The following ROBO2 variants were observed in gnomAD, a reference collection of about 807,000 sequenced individuals.
ROBO2 encodes the protein roundabout guidance receptor 2.
In ROBO2, 53 loss-of-function variants were observed where a neutral mutation model predicts 160.8. The ratio of observed to expected loss-of-function variants is 0.33; its 90% CI spans 0.26 to 0.41. ROBO2 has a LOEUF of 0.41. ROBO2 is among the 10% of genes least tolerant of loss of function. The probability of loss-of-function intolerance (pLI) is 1.00; values close to 1 mark genes in which losing one functional copy is unlikely to be tolerated. For synonymous variants in ROBO2, 664 were observed against 611.7 expected (o/e 1.09, Z -1.26); for missense variants, 1,577 against 1,722.4 (o/e 0.92, Z 1.49).
At chr3:77,521,843 A>G (rs1353745869) in intron 5 of ROBO2, among the ~76,000 whole-genome samples, 3 of 151,292 alleles carry the variant, frequency 2.0e-5, no homozygotes, top group African/African-American at 7.3e-5. Flanking sequence ...TGAAAACAAT[A>G]GGAAGTCACA....
rs117240133 is a variant in ROBO2, at chr3:77,291,895, A to G, written c.389-185519A>G. On this transcript the variant is annotated intron_variant, in intron 2 of 25. Transcript: ENST00000461745. Reference sequence around the variant, plus strand: ...AAGTAAAATTGATGGATAAACGGGTAAGCTGAGGCTAGATCACCCCAGACG... The same window carrying G: ...AAGTAAAATTGATGGATAAACGGGTGAGCTGAGGCTAGATCACCCCAGACG... 9.1e-3 allele frequency among the ~76,000 whole-genome samples: 1,379 copies of G among 151,952 alleles called. 26 individuals carry two copies. Among genetic ancestry groups the G allele is most frequent in the Admixed American group, 0.05 (758 of 15,192 alleles).
chr3:77,224,584 A>G (rs369759791), intron 2 of ROBO2, among the ~76,000 whole-genome samples: 2 of 152,002 alleles, frequency 1.3e-5, no homozygotes, highest in African/African-American at 4.8e-5. Context: ...TTTGAGTTAA[A>G]TCCATATTAA....
Position 77,608,491 on chromosome 3 carries a change from G to A in ROBO2, c.3293+537G>A, listed in dbSNP as rs1416403556. 4.6e-5 allele frequency among the ~76,000 whole-genome samples: 7 copies of A among 152,236 alleles called. No homozygotes were observed. In the South Asian group the frequency reaches 1.5e-3, roughly 32 times the overall value. On this transcript the variant is annotated intron_variant, in intron 21 of 25. Transcript: ENST00000461745. ...ATAGAGCCAATGCATACTCTGTAAT[G>A]AAACCTTTTTAAGATACAAAATTTT...
Position 76,913,900 on chromosome 3 carries a change from A to G in ROBO2, c.110-184114A>G, listed in dbSNP as rs539276241. On this transcript the variant is annotated intron_variant, in intron 2 of 26. Transcript: ENST00000487694. ...TGAATAATACTCCTTTAGAGGAGTA[A>G]CTGTGAAAAATACTCCTTTAGAGGA... 3.3e-5 allele frequency among the ~76,000 whole-genome samples: 5 copies of G among 152,214 alleles called. No homozygotes were observed. In the South Asian group the frequency reaches 8.3e-4, roughly 25 times the overall value.
chr3:76,230,646 C>T (rs1003275718), intron 2 of ROBO2, among the ~76,000 whole-genome samples: 1 of 152,048 alleles, frequency 6.6e-6, no homozygotes, highest in African/African-American at 2.4e-5. Flanking sequence ...TTACTTACTA[C>T]TATTTGTTAT....
chr3:76,414,780 GA>G lies in ROBO2; in HGVS notation c.109+477183del, dbSNP rs539287343. On this transcript the variant is annotated intron_variant, in intron 2 of 26. Coordinates refer to the ROBO2 transcript ENST00000487694. ...TTAAAGTATAATTTAAAAAAAAAAA[GA>G]AAAAGACAAAAAAAAAATCTAGAAG... Among the ~76,000 whole-genome samples, 74 of 147,716 alleles carry G rather than the reference GA, an allele frequency of 5.0e-4. 2 individuals carry two copies. In the South Asian group the frequency reaches 0.011, roughly 21 times the overall value.
At chr3:76,993,363 A>G (rs530428742) in intron 2 of ROBO2, among the ~76,000 whole-genome samples, 3 of 152,354 alleles carry the variant, frequency 2.0e-5, no homozygotes, top group South Asian at 2.1e-4. Flanking sequence ...ATTCAAATGT[A>G]TCTTAGAGGA....
intron 2 of ROBO2, among the ~76,000 whole-genome samples, chr3:76,525,031 G>C (rs1275381835): frequency 2.6e-5 from 4 of 151,566 alleles, no homozygotes; most frequent in African/African-American, 9.7e-5. Flanking sequence ...ATACACAACA[G>C]ATACTGAGGT....
intron 2 of ROBO2, among the ~76,000 whole-genome samples, chr3:77,292,639 G>T (rs1433438011): frequency 1.3e-5 from 2 of 151,052 alleles, no homozygotes; most frequent in Middle Eastern, 3.2e-3. Context: ...ACAGGAAGTT[G>T]AGGCTAGAAC....
At chr3:77,309,505 C>T (rs1194725895) in intron 2 of ROBO2, among the ~76,000 whole-genome samples, 5 of 152,168 alleles carry the variant, frequency 3.3e-5, no homozygotes, top group Non-Finnish European at 2.9e-5. Flanking sequence ...TCAGATTCTC[C>T]TGGAAGAAGC....
chr3:76,107,232 A>G (rs1456620104), intron 2 of ROBO2, among the ~76,000 whole-genome samples: 1 of 152,114 alleles, frequency 6.6e-6, no homozygotes, highest in East Asian at 1.9e-4. Context: ...AAGCTAAGGC[A>G]CAGAGACTTA....
intron 2 of ROBO2, among the ~76,000 whole-genome samples, chr3:76,413,400 G>A (rs190061314): frequency 5.9e-5 from 9 of 152,190 alleles, no homozygotes; most frequent in East Asian, 3.9e-4. Context: ...CTTTTCTATC[G>A]CATAGTCAGG....
chr3:76,366,931 TG>T (rs1329540388), intron 2 of ROBO2, among the ~76,000 whole-genome samples: 3 of 152,048 alleles, frequency 2.0e-5, no homozygotes, highest in African/African-American at 7.2e-5. Context: ...AAGCATATTT[TG>T]TTTTAAACTA....
At chr3:76,898,049 A>G (rs1385280369) in intron 2 of ROBO2, among the ~76,000 whole-genome samples, 1 of 152,078 alleles carries the variant, frequency 6.6e-6, no homozygotes, top group Non-Finnish European at 1.5e-5. Context: ...GAAGGGTCTG[A>G]GTGGAAATGG....
At chr3:76,987,045 T>C (rs1182248033) in intron 2 of ROBO2, among the ~76,000 whole-genome samples, 1 of 152,100 alleles carries the variant, frequency 6.6e-6, no homozygotes, top group Non-Finnish European at 1.5e-5. Context: ...GCTCAGCTAA[T>C]TGGAGGATGT....
At chr3:77,380,976 C>G (rs560602067) in intron 2 of ROBO2, among the ~76,000 whole-genome samples, 12 of 152,030 alleles carry the variant, frequency 7.9e-5, no homozygotes, top group Non-Finnish European at 1.5e-4. Context: ...CCCTTGCTAC[C>G]CCACCCATCA....
At chr3:76,065,702 A>T (rs2068227824) in intron 2 of ROBO2, among the ~76,000 whole-genome samples, 1 of 130,720 alleles carries the variant, frequency 7.6e-6, no homozygotes, top group African/African-American at 3.0e-5. Flanking sequence ...TTCATATACC[A>T]ATTTTTAAAC....
chr3:77,466,342 T>G (rs1386344795), intron 2 of ROBO2, among the ~76,000 whole-genome samples: 1 of 152,126 alleles, frequency 6.6e-6, no homozygotes, highest in African/African-American at 2.4e-5. Flanking sequence ...TCCACAAGCA[T>G]GTGGAATATG....
At chr3:76,802,555 C>T (rs946413737) in intron 2 of ROBO2, among the ~76,000 whole-genome samples, 1 of 151,754 alleles carries the variant, frequency 6.6e-6, no homozygotes, top group Non-Finnish European at 1.5e-5. Flanking sequence ...GGTGAAACCC[C>T]GTCTCTACTA....
Sources: allele counts gnomAD v4.1 joint callset (sites outside exome capture counted in the v4.1 genomes callset), GRCh38; gene constraint gnomAD v4.1.1; transcripts MANE v1.5; gene names NCBI Gene and HGNC (gene_info 2026-07-23, HGNC 2026-07-21).